The following RTF2 variants were observed in gnomAD, a reference collection of about 807,000 sequenced individuals.
RTF2 encodes the protein UPF0549 protein C20orf43.
In RTF2, 18 loss-of-function variants were observed where a neutral mutation model predicts 38.0. That is an observed-to-expected ratio of 0.47 (90% CI 0.33 to 0.70). The LOEUF is 0.70. Among genes scored for constraint, RTF2 ranks in the 30% least tolerant of loss-of-function variants. The probability of loss-of-function intolerance (pLI) is 0.02; values close to 1 mark genes in which losing one functional copy is unlikely to be tolerated. For synonymous variants in RTF2, 126 were observed against 137.1 expected, an observed-to-expected ratio of 0.92 and a Z score of 0.57; for missense variants, 311 against 379.6, an observed-to-expected ratio of 0.82 and a Z score of 1.50.
chr20:56,482,078 A>G (rs1007388590), intron 4 of RTF2, among the ~76,000 whole-genome samples: 10 of 151,904 alleles, frequency 6.6e-5, no homozygotes, highest in Non-Finnish European at 5.9e-5. Flanking sequence ...TTTTTCTCTT[A>G]CCCAGTGAAT....
At chr20:56,476,840 GT>G (rs1982271921) in intron 3 of RTF2, 144 bp from the exon 4 acceptor site, 1 of 737,876 alleles carries the variant, frequency 1.4e-6, no homozygotes, top group Non-Finnish European at 2.2e-6. Context: ...TTATATCCAT[GT>G]TTCTTATGGA....
chr20:56,472,913 G>T (rs1175953417), intron 1 of RTF2, among the ~76,000 whole-genome samples: 3 of 152,136 alleles, frequency 2.0e-5, no homozygotes, highest in African/African-American at 7.2e-5. Context: ...GCTGAGATGG[G>T]CGGATCATTT....
intron 5 of RTF2, among the ~76,000 whole-genome samples, chr20:56,507,574 T>C (rs766714518): frequency 6.6e-6 from 1 of 152,184 alleles, no homozygotes; most frequent in Non-Finnish European, 1.5e-5. Flanking sequence ...ACAACACAAC[T>C]GTATGCAGAA....
intron 4 of RTF2, among the ~76,000 whole-genome samples, chr20:56,483,674 C>G (rs537594781): frequency 6.6e-6 from 1 of 152,100 alleles, no homozygotes; most frequent in African/African-American, 2.4e-5. Flanking sequence ...ATGATGTGTC[C>G]TGGTTTCAAA....
intron 6 of RTF2, 197 bp from the exon 7 acceptor site, chr20:56,516,738 G>T: frequency 3.2e-6 from 2 of 625,070 alleles, no homozygotes. Context: ...AGGCAGAAGT[G>T]CATGACTGGT....
intron 5 of RTF2, chr20:56,497,019 T>C (rs1177460786): frequency 6.4e-7 from 1 of 1,551,824 alleles, no homozygotes; most frequent in Non-Finnish European, 8.7e-7. Context: ...ATAGTTCCAT[T>C]GAAATTTAGA....
chr20:56,510,052 G>A (rs964780051), intron 5 of RTF2, among the ~76,000 whole-genome samples: 8 of 152,064 alleles, frequency 5.3e-5, no homozygotes, highest in African/African-American at 1.9e-4. Context: ...AGGCAAATTT[G>A]TAGGATGGAA....
chr20:56,484,802 A>C (rs537741336), intron 5 of RTF2, among the ~76,000 whole-genome samples: 2 of 152,296 alleles, frequency 1.3e-5, no homozygotes, highest in South Asian at 4.1e-4. Flanking sequence ...CTGAAGCCAG[A>C]ATGTGTGTGT....
chr20:56,473,174 A>G, intron 1 of RTF2, 127 bp from the exon 2 acceptor site: 1 of 668,554 alleles, frequency 1.5e-6, no homozygotes, highest in Non-Finnish European at 2.6e-6. Flanking sequence ...TTCCTATGTC[A>G]TTATCTTTGA....
chr20:56,491,499 T>C, intron 5 of RTF2: 1 of 1,065,196 alleles, frequency 9.4e-7, no homozygotes, highest in Non-Finnish European at 1.4e-6. Flanking sequence ...TTTGGTTCAA[T>C]GTTCTCTTGT....
chr20:56,519,138 G>A lies in RTF2; in HGVS notation c.*873G>A, dbSNP rs1023373799. ...AGAACCAAGAGCCACAGGCCTCTGCGTGGCTTTCTGCACACGGTGGTATGA... is the reference window on the plus strand; with the variant it reads ...AGAACCAAGAGCCACAGGCCTCTGCATGGCTTTCTGCACACGGTGGTATGA... On this transcript the variant is annotated 3_prime_UTR_variant, in exon 9 of 9. Coordinates refer to ENST00000357348, the MANE Select transcript of RTF2 (RefSeq NM_016407.5). 14 of 152,334 alleles carry A rather than the reference G, an allele frequency of 9.2e-5. No homozygotes were observed. The highest frequency in any genetic ancestry group is 4.6e-4 in the Admixed American group (7 of 15,300). 9.4% of individuals were successfully genotyped at this position (152,334 alleles called of 1,614,324 possible). A position where few individuals can be genotyped will look rare whatever the true frequency, so the allele number is the denominator to read the frequency against.
At chr20:56,514,084 C>G (rs954550703) in intron 6 of RTF2, 1 of 152,322 alleles carries the variant, frequency 6.6e-6, no homozygotes, top group Admixed American at 6.5e-5. Context: ...AAATCCCTCA[C>G]CTTCCTGAGC....
intron 1 of RTF2, among the ~76,000 whole-genome samples, chr20:56,470,405 C>T (rs1568689444): frequency 6.6e-6 from 1 of 152,196 alleles, no homozygotes. Flanking sequence ...ATTCACACAA[C>T]AAATGCTTAA....
At chr20:56,506,798 T>G (rs1212950914) in intron 5 of RTF2, among the ~76,000 whole-genome samples, 2 of 152,120 alleles carry the variant, frequency 1.3e-5, no homozygotes, top group African/African-American at 4.8e-5. Flanking sequence ...CCTCCCAGCT[T>G]CACGCCATTC....
At chr20:56,495,418 G>GGGGAAAGT in intron 5 of RTF2, 1 of 773,394 alleles carries the variant, frequency 1.3e-6, no homozygotes, top group Non-Finnish European at 2.2e-6. Flanking sequence ...GAAAAGTAGA[G>GGGGAAAGT]GGGAAAGTCC....
intron 6 of RTF2, chr20:56,516,271 A>C (rs1985037040): frequency 6.6e-6 from 1 of 152,250 alleles, no homozygotes; most frequent in African/African-American, 2.4e-5. Flanking sequence ...ACATAGTCCT[A>C]CTTGTCATTT....
At chr20:56,511,335 C>T (rs1201828890) in intron 5 of RTF2, among the ~76,000 whole-genome samples, 1 of 151,878 alleles carries the variant, frequency 6.6e-6, no homozygotes, top group African/African-American at 2.4e-5. Context: ...GTGAACTGCG[C>T]ACGTGAGGGA....
At position 56,507,753 on chromosome 20, in the gene RTF2, C is replaced by T. The variant is rs141071560; in HGVS notation, c.478-5562C>T. 2.6e-3 allele frequency among the ~76,000 whole-genome samples: 394 copies of T among 152,268 alleles called. 4 individuals are homozygous for T. The highest frequency in any genetic ancestry group is 9.1e-3 in the African/African-American group (380 of 41,552). On this transcript the variant is annotated intron_variant, in intron 5 of 8. Coordinates refer to ENST00000357348, the MANE Select transcript of RTF2 (RefSeq NM_016407.5). ...ACCCACAGGGAGCAGACGCTGGGTT[C>T]CTCCCCACCCCTGGGCCCTTTACGT...
Position 56,496,541 on chromosome 20 carries a change from C to G in RTF2, c.477+12352C>G, listed in dbSNP as rs978604704. 4 of 1,290,300 alleles carry G rather than the reference C, an allele frequency of 3.1e-6. No individual in the cohort carries two copies. In the South Asian group the frequency reaches 4.9e-5, roughly 16 times the overall value. 79.9% of individuals were successfully genotyped at this position (1,290,300 alleles called of 1,614,324 possible). On this transcript the variant is annotated intron_variant, in intron 5 of 8. Coordinates refer to ENST00000357348, the MANE Select transcript of RTF2 (RefSeq NM_016407.5). ...CCAGCCTCGGTGACCGTGTGAGACT[C>G]CGTCTCAAAATCAGTCAGTCAATCA...
Sources: gnomAD v4.1 joint callset for allele counts (sites outside exome capture counted in the v4.1 genomes callset) on GRCh38, gnomAD v4.1.1 for gene constraint, MANE v1.5 for transcripts, NCBI Gene and HGNC (gene_info 2026-07-23, HGNC 2026-07-21) for gene names.